The following ZRANB1 variants were observed in gnomAD, a reference collection of about 807,000 sequenced individuals.
ZRANB1 encodes the protein zinc finger RANBP2-type containing 1, also known as ubiquitin thioesterase ZRANB1.
A neutral mutation model predicts 80.5 loss-of-function variants in ZRANB1; 16 were observed. The observed-to-expected ratio is 0.20, with a 90% CI of 0.13 to 0.30. ZRANB1 has a LOEUF of 0.30. Among genes scored for constraint, ZRANB1 ranks in the 10% least tolerant of loss-of-function variants. The pLI is 1.00. For missense variants in ZRANB1, 576 were observed against 862.6 expected (o/e 0.67, Z 4.16); for synonymous variants, 291 against 293.1 (o/e 0.99, Z 0.07).
the ZRANB1 span, among the ~76,000 whole-genome samples, chr10:124,927,694 A>G: frequency 1.3e-5 from 2 of 152,236 alleles, no homozygotes; most frequent in Non-Finnish European, 2.9e-5. Context: ...AACAAATCAT[A>G]ATTCAGTAAA....
At position 124,942,424 on chromosome 10, in the gene ZRANB1, T is replaced by C; in HGVS notation, c.-70T>C. 4 of 1,585,816 alleles carry C rather than the reference T, an allele frequency of 2.5e-6. No homozygotes were observed. The highest frequency in any genetic ancestry group is 3.4e-6 in the Non-Finnish European group (4 of 1,163,554). ...GCGTATTTTTGGAGGTGGAATGTAG[T>C]TATTTTAATAACCATGTCCTAATTA... On this transcript the variant is annotated 5_prime_UTR_variant, in exon 1 of 9. Transcript: ENST00000359653.
At chr10:124,921,424 A>C in the ZRANB1 span, among the ~76,000 whole-genome samples, 1 of 152,248 alleles carries the variant, frequency 6.6e-6, no homozygotes, top group Non-Finnish European at 1.5e-5. Flanking sequence ...TATACCAAGG[A>C]TAACACATGT....
In ZRANB1 at chr10:124,982,583, C is replaced by CT. The variant is rs35537663; in HGVS notation, c.1549-583dup. Among the ~76,000 whole-genome samples the CT allele has an allele frequency of 9.2e-4, 139 of 150,944 alleles. No homozygotes were observed. In the East Asian group the frequency reaches 0.018, roughly 20 times the overall value. ...AGTACAAATATATATACAACTACTC[C>CT]TTTTTTTTTGCAGAAAGCACCATGG... On this transcript the variant is annotated intron_variant, in intron 6 of 8. Transcript: ENST00000359653.
chr10:124,981,874 A>G, intron 6 of ZRANB1, 45 bp downstream of exon 6: 2 of 1,609,690 alleles, frequency 1.2e-6, no homozygotes, highest in Non-Finnish European at 1.7e-6. Context: ...AAAAGTAAGC[A>G]TGTAGTCTAA....
rs192734006 is a variant in ZRANB1 at position 124,954,803 on chromosome 10, G to A, written c.814+11496G>A. Among the ~76,000 whole-genome samples, 22 of 151,586 alleles carry A rather than the reference G, an allele frequency of 1.5e-4. No homozygotes were observed. The East Asian group carries it at 2.7e-3, about 19-fold the overall frequency. On this transcript the variant is annotated intron_variant, in intron 1 of 8. Coordinates refer to ENST00000359653, the MANE Select transcript of ZRANB1 (RefSeq NM_017580.3). ...GAATGGAGGCAGAACCAGTAAACAG[G>A]TCTTGCATCTTATTAATAGTTTTGA... is the stretch of plus-strand genomic sequence containing the variant.
upstream of ZRANB1, among the ~76,000 whole-genome samples, chr10:124,941,192 A>G (rs933130386): frequency 3.9e-5 from 2 of 51,352 alleles, no homozygotes; most frequent in Admixed American, 2.4e-4. Context: ...TCTAAATTCA[A>G]GCCATTAAAA....
intron 3 of ZRANB1, among the ~76,000 whole-genome samples, chr10:124,972,533 C>T (rs1454577197): frequency 2.0e-5 from 3 of 152,136 alleles, no homozygotes; most frequent in Admixed American, 2.0e-4. Flanking sequence ...AGAACATGAG[C>T]TTTTGATGGG....
chr10:124,970,296 T>G lies in ZRANB1; in HGVS notation c.1003-1669T>G, dbSNP rs574198373. Among the ~76,000 whole-genome samples the G allele has an allele frequency of 2.6e-5, 4 of 152,226 alleles. No individual in the cohort carries two copies. The East Asian group carries it at 7.8e-4, about 30-fold the overall frequency. On this transcript the variant is annotated intron_variant, in intron 2 of 8. Transcript: ENST00000359653. ...TTTTTTCTTTTCTTTTGAGACAGACTTTCTCTCTGTTGCCCAGGGGAGTGA... is the reference window on the plus strand; with the variant it reads ...TTTTTTCTTTTCTTTTGAGACAGACGTTCTCTCTGTTGCCCAGGGGAGTGA...
At chr10:124,930,787 C>T in the ZRANB1 span, among the ~76,000 whole-genome samples, 1 of 152,102 alleles carries the variant, frequency 6.6e-6, no homozygotes, top group East Asian at 1.9e-4. Context: ...GTAAACCCAG[C>T]ACTTTGGAAG....
At position 124,986,403 on chromosome 10, in the gene ZRANB1, T is replaced by G. The variant is rs1343312199; in HGVS notation, c.*1411T>G. 1 of 152,326 alleles carries G rather than the reference T, an allele frequency of 6.6e-6. No homozygotes were observed. Among genetic ancestry groups the G allele is most frequent in the Non-Finnish European group, 1.5e-5 (1 of 68,018 alleles). 9.4% of individuals were successfully genotyped at this position (152,326 alleles called of 1,614,324 possible). A position where few individuals can be genotyped will look rare whatever the true frequency, so the allele number is the denominator to read the frequency against. On this transcript the variant is annotated 3_prime_UTR_variant, in exon 9 of 9. Coordinates refer to ENST00000359653, the MANE Select transcript of ZRANB1 (RefSeq NM_017580.3). ...GCTTCTTGTTTTGTTTAGTTGATAA[T>G]GAAATGTGTACAACCTCAAATTTGC...
At chr10:124,934,035 C>T in the ZRANB1 span, among the ~76,000 whole-genome samples, 1 of 151,990 alleles carries the variant, frequency 6.6e-6, no homozygotes, top group Admixed American at 6.6e-5. Context: ...GAAAACAAGA[C>T]CATTAGAGTT....
At chr10:124,916,920 G>A in the ZRANB1 span, among the ~76,000 whole-genome samples, 1 of 151,582 alleles carries the variant, frequency 6.6e-6, no homozygotes, top group Non-Finnish European at 1.5e-5. Flanking sequence ...CTCGGCCGCC[G>A]CCATTAGGGT....
chr10:124,977,130 G>A (rs951725418), intron 5 of ZRANB1, among the ~76,000 whole-genome samples: 1 of 151,234 alleles, frequency 6.6e-6, no homozygotes, highest in Non-Finnish European at 1.5e-5. Flanking sequence ...GCCACCACAC[G>A]TGGCTAATTT....
intron 1 of ZRANB1, chr10:124,945,618 T>G (rs1350901545): frequency 6.6e-6 from 1 of 152,164 alleles, no homozygotes; most frequent in Non-Finnish European, 1.5e-5. Flanking sequence ...CCCCGGTTGC[T>G]TCAAGTCAGT....
At chr10:124,936,052 G>A in the ZRANB1 span, among the ~76,000 whole-genome samples, 2 of 152,176 alleles carry the variant, frequency 1.3e-5, no homozygotes, top group African/African-American at 4.8e-5. Context: ...GATGGGTAGA[G>A]TTCATTATAA....
the ZRANB1 span, among the ~76,000 whole-genome samples, chr10:124,918,445 C>T: frequency 6.6e-6 from 1 of 152,346 alleles, no homozygotes; most frequent in South Asian, 2.1e-4. Context: ...CCGCCTCGGC[C>T]TTCCAAAGTC....
chr10:124,973,000 G>T, intron 3 of ZRANB1, among the ~76,000 whole-genome samples: 1 of 151,988 alleles, frequency 6.6e-6, no homozygotes, highest in East Asian at 1.9e-4. Flanking sequence ...CTAGATCTCA[G>T]TGTTTTTAAT....
At chr10:124,937,159 A>C (rs1951494895), upstream of ZRANB1, among the ~76,000 whole-genome samples, 1 of 149,660 alleles carries the variant, frequency 6.7e-6, no homozygotes, top group Non-Finnish European at 1.5e-5. Context: ...CTGAGTTTGC[A>C]CTTGAAGAGA....
At chr10:124,933,836 T>C in the ZRANB1 span, among the ~76,000 whole-genome samples, 2 of 152,176 alleles carry the variant, frequency 1.3e-5, no homozygotes, top group Admixed American at 6.5e-5. Context: ...CTTGTTACGA[T>C]TGAGGAACTG....
Sources: allele counts gnomAD v4.1 joint callset (sites outside exome capture counted in the v4.1 genomes callset), GRCh38; gene constraint gnomAD v4.1.1; transcripts MANE v1.5; gene names NCBI Gene and HGNC (gene_info 2026-07-23, HGNC 2026-07-21).